The following MLLT10 variants were observed in gnomAD, a reference collection of about 807,000 sequenced individuals.
The protein encoded by MLLT10 is MLLT10 histone lysine methyltransferase DOT1L cofactor.
Under a neutral mutation model 129.1 loss-of-function variants are expected in MLLT10, and 30 were observed. The observed-to-expected ratio is 0.23, with a 90% CI of 0.17 to 0.32. The LOEUF (loss-of-function observed/expected upper bound fraction) is 0.32, where lower values mean the gene tolerates loss of function less well. Among genes scored for constraint, MLLT10 ranks in the 10% least tolerant of loss-of-function variants. The pLI is 1.00. For missense variants in MLLT10, 1,119 were observed against 1,268.3 expected, an observed-to-expected ratio of 0.88 and a Z score of 1.79; for synonymous variants, 490 against 446.4, an observed-to-expected ratio of 1.10 and a Z score of -1.23.
rs543280071 is a variant in MLLT10, at chr10:21,569,240, G to C, written c.241-17054G>C. ...CTGTATCCTTACTGATTTTCTGTCTGCTGGTCCTGCTATTAGTATCATTCC... is the reference window on the plus strand; with the variant it reads ...CTGTATCCTTACTGATTTTCTGTCTCCTGGTCCTGCTATTAGTATCATTCC... On this transcript the variant is annotated intron_variant, in intron 3 of 22. Transcript: ENST00000307729. 2.2e-3 allele frequency among the ~76,000 whole-genome samples: 336 copies of C among 152,172 alleles called. 3 individuals carry two copies. The highest frequency in any genetic ancestry group is 7.7e-3 in the African/African-American group (321 of 41,550).
chr10:21,689,565 G>GTATATATATATATATA (rs71393919), intron 13 of MLLT10, among the ~76,000 whole-genome samples: 3 of 113,468 alleles, frequency 2.6e-5, no homozygotes, highest in Non-Finnish European at 3.5e-5. Context: ...ATATATATAT[G>GTATATATATATATATA]TATATATATA....
Position 21,586,238 on chromosome 10 carries a change from C to T in MLLT10, c.241-56C>T, listed in dbSNP as rs1044458741. 5.1e-6 allele frequency: 7 copies of T among 1,372,288 alleles called. No homozygotes were observed. In the African/African-American group the frequency reaches 8.8e-5, roughly 17 times the overall value. 85.0% of individuals were successfully genotyped at this position (1,372,288 alleles called of 1,614,324 possible). A position where few individuals can be genotyped will look rare whatever the true frequency, so the allele number is the denominator to read the frequency against. The stretch of plus-strand genomic sequence containing the variant: ...TAGTTTTGACGTTGCAGGGAAGATA[C>T]TACATTTTTGATAATCTGAAATATT... On this transcript the variant is annotated intron_variant, in intron 3 of 22. Coordinates refer to ENST00000307729, the MANE Select transcript of MLLT10 (RefSeq NM_001195626.3).
At chr10:21,688,615 T>A in intron 13 of MLLT10, 1 of 1,277,896 alleles carries the variant, frequency 7.8e-7, no homozygotes, top group Non-Finnish European at 1.1e-6. Flanking sequence ...AACCTTCCCA[T>A]ACAAACCAGT....
intron 8 of MLLT10, among the ~76,000 whole-genome samples, chr10:21,637,802 A>T (rs1211344576): frequency 1.3e-5 from 2 of 152,232 alleles, no homozygotes; most frequent in Admixed American, 6.5e-5. Context: ...ACCAAGTACC[A>T]TCAGTGTGTA....
intron 4 of MLLT10, among the ~76,000 whole-genome samples, chr10:21,591,152 G>T (rs1328720474): frequency 2.6e-5 from 4 of 152,072 alleles, no homozygotes; most frequent in South Asian, 2.1e-4. Flanking sequence ...CCACCTCCTG[G>T]GTTCAAGCGA....
chr10:21,670,374 A>C lies in MLLT10; in HGVS notation c.796-75A>C, dbSNP rs114732792. The stretch of plus-strand genomic sequence containing the variant: ...TTTATTCTGCAAGTTCTTCTTATTA[A>C]TGTGGCACCCATTGTTTTCTGTAAC... On this transcript the variant is annotated intron_variant, in intron 9 of 22. Transcript: ENST00000307729. 3.7e-3 allele frequency: 5,107 copies of C among 1,394,648 alleles called. 136 individuals are homozygous for C. The African/African-American group carries it at 0.065, about 18-fold the overall frequency. The allele number at this position is 1,394,648 out of a possible 1,614,324, so 86.4% of individuals were successfully genotyped here.
intron 3 of MLLT10, among the ~76,000 whole-genome samples, chr10:21,563,874 G>A (rs1588961341): frequency 6.6e-6 from 1 of 151,298 alleles, no homozygotes; most frequent in Non-Finnish European, 1.5e-5. Flanking sequence ...GTGTGGTGGC[G>A]CGATCTAGGC....
chr10:21,556,619 G>T, intron 3 of MLLT10: 1 of 1,579,542 alleles, frequency 6.3e-7, no homozygotes, highest in Non-Finnish European at 8.7e-7. Flanking sequence ...TAGTGAATAA[G>T]GGATTGTTTT....
In MLLT10 at chr10:21,600,726, T is replaced by G. The variant is rs2043444317; in HGVS notation, c.405+5286T>G. Among the ~76,000 whole-genome samples, 3 of 152,220 alleles carry G rather than the reference T, an allele frequency of 2.0e-5. No homozygotes were observed. The South Asian group carries it at 6.2e-4, about 32-fold the overall frequency. On this transcript the variant is annotated intron_variant, in intron 5 of 22. Coordinates refer to ENST00000307729, the MANE Select transcript of MLLT10 (RefSeq NM_001195626.3). ...AAAAGCAAAATCTTGCAGTTCTGGC[T>G]GTAAAAAAATTCTTTTGCTCTTTTT...
Position 21,696,049 on chromosome 10 carries a change from A to G in MLLT10, c.1699+13792A>G, listed in dbSNP as rs191876013. On this transcript the variant is annotated intron_variant, in intron 13 of 22. Coordinates refer to ENST00000307729, the MANE Select transcript of MLLT10 (RefSeq NM_001195626.3). Reference sequence around the variant, plus strand: ...AACAGGATCTCAGTTTCATCCTTCCATCCATCCATTAGAGGCACAAGGTCT... The same window carrying G: ...AACAGGATCTCAGTTTCATCCTTCCGTCCATCCATTAGAGGCACAAGGTCT... Among the ~76,000 whole-genome samples the G allele has an allele frequency of 1.4e-3, 208 of 149,510 alleles. 1 individual carries two copies. Among genetic ancestry groups the G allele is most frequent in the African/African-American group, 4.8e-3 (194 of 40,558 alleles).
rs200741192 is a variant in MLLT10, at chr10:21,595,374, A to G, written c.339A>G (p.Gln113=). 4 of 1,613,762 alleles carry G rather than the reference A, an allele frequency of 2.5e-6. No homozygotes were observed. The highest frequency in any genetic ancestry group is 1.7e-5 in the Admixed American group (1 of 60,000). Residue 113 remains glutamine, a synonymous_variant, in exon 5 of 23, where the codon CAA becomes CAG. Transcript: ENST00000307729. ...GTGCCCTGTATATTCCAGAGGTACA[A>G]TTTGCCAATGTTTCCACAATGGAAC... is the stretch of plus-strand genomic sequence containing the variant. ...VVCALYIPEV[Q]FANVSTMEPI...
At chr10:21,699,839 G>A (rs1027291088) in intron 13 of MLLT10, among the ~76,000 whole-genome samples, 1 of 152,118 alleles carries the variant, frequency 6.6e-6, no homozygotes, top group African/African-American at 2.4e-5. Flanking sequence ...CTTTTGCTCA[G>A]GATTACTTCA....
At chr10:21,555,334 C>G (rs754979782) in intron 3 of MLLT10, among the ~76,000 whole-genome samples, 4 of 152,022 alleles carry the variant, frequency 2.6e-5, no homozygotes, top group Non-Finnish European at 5.9e-5. Context: ...GCAATTCTCC[C>G]TTCTCAGCCT....
Position 21,733,848 on chromosome 10 carries a change from A to G in MLLT10, c.2577A>G (p.Gln859=), listed in dbSNP as rs2058143475. ...TPPPAGQSPA[Q]QGSGVSGVQQ... The stretch of plus-strand genomic sequence containing the variant: ...CTCCTGCTGGGCAGAGTCCGGCTCA[A>G]CAAGGCTCAGGAGTGAGTGGAGTTC... The change falls in exon 20 of 23, where the codon CAA becomes CAG. Residue 859 remains glutamine, a synonymous_variant. Transcript: ENST00000307729. The G allele has an allele frequency of 1.2e-6, 2 of 1,614,174 alleles. No homozygotes were observed. The highest frequency in any genetic ancestry group is 1.7e-6 in the Non-Finnish European group (2 of 1,180,032).
chr10:21,536,727 C>T lies in MLLT10; in HGVS notation c.160+1923C>T, dbSNP rs543733035. On this transcript the variant is annotated intron_variant, in intron 2 of 22. Coordinates refer to ENST00000307729, the MANE Select transcript of MLLT10 (RefSeq NM_001195626.3). ...GGACCACAGGCCTGGACAACCATGTCGGGCTAATTTTGTATTTTTGGTAGA... is the reference window on the plus strand; with the variant it reads ...GGACCACAGGCCTGGACAACCATGTTGGGCTAATTTTGTATTTTTGGTAGA... Among the ~76,000 whole-genome samples, 6 of 152,074 alleles carry T rather than the reference C, an allele frequency of 3.9e-5. No individual in the cohort carries two copies. In the South Asian group the frequency reaches 1.2e-3, roughly 32 times the overall value.
intron 8 of MLLT10, among the ~76,000 whole-genome samples, chr10:21,623,278 A>C (rs776622599): frequency 2.6e-5 from 4 of 152,186 alleles, no homozygotes; most frequent in Non-Finnish European, 5.9e-5. Flanking sequence ...TAAGGTTCCA[A>C]ATCTCTGATC....
At chr10:21,557,080 A>C in intron 3 of MLLT10, 1 of 1,412,956 alleles carries the variant, frequency 7.1e-7, no homozygotes, top group Non-Finnish European at 9.2e-7. Flanking sequence ...ACATTTTTGA[A>C]TCATCTCATG....
At chr10:21,631,434 A>AT (rs1225647026) in intron 8 of MLLT10, among the ~76,000 whole-genome samples, 219 of 145,754 alleles carry the variant, frequency 1.5e-3, no homozygotes, top group South Asian at 7.2e-3. Context: ...AGTCCCTGGA[A>AT]TTTTTTTTTT....
At chr10:21,725,653 G>A (rs1405743634) in intron 14 of MLLT10, among the ~76,000 whole-genome samples, 2 of 150,972 alleles carry the variant, frequency 1.3e-5, no homozygotes, top group Non-Finnish European at 2.9e-5. Flanking sequence ...CCCTAGAGGC[G>A]GAGGTTGCAG....
Sources: gnomAD v4.1 joint callset for allele counts (sites outside exome capture counted in the v4.1 genomes callset) on GRCh38, gnomAD v4.1.1 for gene constraint, MANE v1.5 for transcripts, NCBI Gene and HGNC (gene_info 2026-07-23, HGNC 2026-07-21) for gene names.